Variants in ANKRD36 observed in about 807,000 individuals in gnomAD.
ANKRD36 encodes ankyrin repeat domain 36.
A neutral mutation model predicts 278.1 loss-of-function variants in ANKRD36; 179 were observed. That is an observed-to-expected ratio of 0.64 (90% CI 0.57 to 0.73). The LOEUF (loss-of-function observed/expected upper bound fraction) is 0.73. Among genes scored for constraint, ANKRD36 ranks in the 30% least tolerant of loss-of-function variants. The probability of loss-of-function intolerance (pLI) is 0.00; values close to 1 mark genes in which losing one functional copy is unlikely to be tolerated. For missense variants in ANKRD36, 1,159 were observed against 1,956.7 expected (o/e 0.59, Z 7.69); for synonymous variants, 320 against 641.1 (o/e 0.50, Z 7.57).
intron 54 of ANKRD36, among the ~76,000 whole-genome samples, chr2:97,208,894 T>TG: frequency 6.8e-6 from 1 of 146,800 alleles, no homozygotes; most frequent in Non-Finnish European, 1.5e-5. Context: ...TTTCAATGAA[T>TG]ATTGCAGTGA....
intron 1 of ANKRD36, among the ~76,000 whole-genome samples, chr2:97,116,058 T>G (rs397832558): frequency 1.3e-5 from 2 of 151,956 alleles, no homozygotes; most frequent in African/African-American, 4.8e-5. Context: ...CTATGGTGTT[T>G]GTAAGCCAAA....
intron 56 of ANKRD36, among the ~76,000 whole-genome samples, chr2:97,211,271 A>G (rs1160181208): frequency 2.0e-5 from 3 of 151,910 alleles, no homozygotes; most frequent in Non-Finnish European, 2.9e-5. Context: ...ATCACCCGGC[A>G]TATCGACATT....
chr2:97,192,219 T>G (rs1267959535), intron 36 of ANKRD36, among the ~76,000 whole-genome samples: 1 of 151,730 alleles, frequency 6.6e-6, no homozygotes, highest in African/African-American at 2.4e-5. Flanking sequence ...TGAAGAAACT[T>G]TAGGAAGGCT....
intron 38 of ANKRD36, among the ~76,000 whole-genome samples, chr2:97,194,490 C>T (rs1033847538): frequency 6.6e-6 from 1 of 151,434 alleles, no homozygotes; most frequent in Non-Finnish European, 1.5e-5. Context: ...TTTTAGCTTT[C>T]GACACATAAA....
chr2:97,258,391 CT>C (rs2076417981), intron 75 of ANKRD36, among the ~76,000 whole-genome samples: 1 of 99,516 alleles, frequency 1.0e-5, no homozygotes, highest in Non-Finnish European at 1.9e-5. Flanking sequence ...TTCAAGCTTG[CT>C]CACTGCCATC....
intron 6 of ANKRD36, among the ~76,000 whole-genome samples, chr2:97,141,229 A>G (rs1260421429): frequency 1.4e-5 from 2 of 146,950 alleles, no homozygotes; most frequent in Non-Finnish European, 3.0e-5. Flanking sequence ...CAATCATGAC[A>G]TATATATATA....
chr2:97,146,261 C>T (rs1043644171), intron 10 of ANKRD36, among the ~76,000 whole-genome samples: 1 of 147,002 alleles, frequency 6.8e-6, no homozygotes, highest in Admixed American at 7.0e-5. Flanking sequence ...CCCACCGAGC[C>T]CTGCCTACAT....
At chr2:97,143,853 T>C (rs942973911) in intron 8 of ANKRD36, among the ~76,000 whole-genome samples, 10 of 152,146 alleles carry the variant, frequency 6.6e-5, no homozygotes, top group Admixed American at 1.3e-4. Context: ...TTATACTTTC[T>C]TGCCATGAGT....
chr2:97,195,110 G>A (rs143900489), intron 40 of ANKRD36, among the ~76,000 whole-genome samples, 193 bp downstream of exon 40: 3,057 of 151,958 alleles, frequency 0.02, 110 homozygotes, highest in African/African-American at 0.07. Flanking sequence ...AAGATTATAC[G>A]CATCCCCACA....
At chr2:97,180,019 T>C in intron 24 of ANKRD36, 86 bp downstream of exon 24, 1 of 1,578,194 alleles carries the variant, frequency 6.3e-7, no homozygotes, top group African/African-American at 1.4e-5. Flanking sequence ...GGGGAGTCCA[T>C]CTAAGCTGCA....
intron 39 of ANKRD36, 40 bp downstream of exon 39, chr2:97,194,794 A>G (rs1190492073): frequency 1.2e-6 from 2 of 1,603,070 alleles, no homozygotes; most frequent in South Asian, 2.2e-5. Flanking sequence ...TAGTAAACGT[A>G]TAGCCTATGA....
At position 97,200,354 on chromosome 2, in the gene ANKRD36, T is replaced by G. The variant is rs368994442; in HGVS notation, c.2776T>G (p.Ser926Ala). The G allele has an allele frequency of 8.2e-4, 1,314 of 1,605,860 alleles. 8 individuals carry two copies. In the African/African-American group the frequency reaches 0.014, roughly 17 times the overall value. Residue 926 changes from serine to alanine, a missense_variant, in exon 45 of 76, where the codon TCC becomes GCC. By Grantham distance (99) the Ser-to-Ala change is moderately conservative. Transcript: ENST00000420699. The stretch of plus-strand genomic sequence containing the variant: ...TTCAGTGTCTTCTCGGAAAAAACCA[T>G]CCTTGGAGGTAATGAAACTCTCATT... The part of the protein sequence containing the change: ...TKRVSSRKKP[S>A]LEATSDEKDS...
chr2:97,210,537 G>A (rs1391146994), intron 56 of ANKRD36, among the ~76,000 whole-genome samples: 1 of 151,824 alleles, frequency 6.6e-6, no homozygotes, highest in East Asian at 2.0e-4. Context: ...TTTGTTACTA[G>A]GAGGCGTCAG....
chr2:97,216,962 C>T lies in ANKRD36; in HGVS notation c.3674-215C>T, dbSNP rs1576185863. The T allele has an allele frequency of 2.6e-5, 30 of 1,148,076 alleles. No homozygotes were observed. The East Asian group carries it at 8.2e-4, about 31-fold the overall frequency. 71.1% of individuals were successfully genotyped at this position (1,148,076 alleles called of 1,614,324 possible). A position where few individuals can be genotyped will look rare whatever the true frequency, so the allele number is the denominator to read the frequency against. On this transcript the variant is annotated intron_variant, in intron 62 of 75. Coordinates refer to ENST00000420699, the MANE Select transcript of ANKRD36 (RefSeq NM_001354587.1). ...GTTTTAGACATATGACAAATCATAC[C>T]ATGCTTGAAATTGTAAGTATATTTT...
At chr2:97,159,073 T>A (rs943308997) in intron 17 of ANKRD36, among the ~76,000 whole-genome samples, 9 of 151,890 alleles carry the variant, frequency 5.9e-5, no homozygotes, top group African/African-American at 1.9e-4. Flanking sequence ...ATGACAAAGA[T>A]TAGTATAAAA....
chr2:97,198,545 A>T lies in ANKRD36; in HGVS notation c.2683-41A>T, dbSNP rs151214482. ...CTAGTAAATGCATAGTCTATGAAAC[A>T]TACTTTATTAATTTATTATTTCATT... On this transcript the variant is annotated intron_variant, in intron 43 of 75. Coordinates refer to ENST00000420699, the MANE Select transcript of ANKRD36 (RefSeq NM_001354587.1). 1,805 of 1,559,688 alleles carry T rather than the reference A, an allele frequency of 1.2e-3. 2 individuals carry two copies. Among genetic ancestry groups the T allele is most frequent in the Non-Finnish European group, 1.4e-3 (1,632 of 1,153,744 alleles).
At chr2:97,157,919 C>G (rs2047882829) in intron 15 of ANKRD36, among the ~76,000 whole-genome samples, 188 bp from the exon 16 acceptor site, 1 of 151,904 alleles carries the variant, frequency 6.6e-6, no homozygotes, top group Non-Finnish European at 1.5e-5. Context: ...TTGAGAATAT[C>G]TGTATCACCA....
chr2:97,211,454 G>A lies in ANKRD36; in HGVS notation c.3368-92G>A. On this transcript the variant is annotated intron_variant, in intron 56 of 75. Coordinates refer to ENST00000420699, the MANE Select transcript of ANKRD36 (RefSeq NM_001354587.1). ...TCAAGGCCTACACTAATACAGGCTGGGGGACAGAGTTTGATGCTAACACTG... is the reference window on the plus strand; with the variant it reads ...TCAAGGCCTACACTAATACAGGCTGAGGGACAGAGTTTGATGCTAACACTG... 5 of 1,542,818 alleles carry A rather than the reference G, an allele frequency of 3.2e-6. No homozygotes were observed. In the South Asian group the frequency reaches 5.9e-5, roughly 18 times the overall value.
intron 66 of ANKRD36, among the ~76,000 whole-genome samples, chr2:97,220,894 A>G (rs1269706526): frequency 6.9e-6 from 1 of 145,680 alleles, no homozygotes; most frequent in Non-Finnish European, 1.5e-5. Flanking sequence ...GTCATCTAGC[A>G]TTAGGTATAT....
Sources: allele counts gnomAD v4.1 joint callset (sites outside exome capture counted in the v4.1 genomes callset), GRCh38; gene constraint gnomAD v4.1.1; transcripts MANE v1.5; gene names NCBI Gene and HGNC (gene_info 2026-07-23, HGNC 2026-07-21).